ZNF83: variants seen among roughly 807,000 people sequenced by gnomAD.
ZNF83 encodes zinc finger protein 816B.
For synonymous variants in ZNF83, 209 were observed against 213.0 expected (o/e 0.98, Z 0.17); for missense variants, 552 against 629.9 (o/e 0.88, Z 1.32).
chr19:52,653,375 C>G (rs961304206), intron 3 of ZNF83: 8 of 1,081,594 alleles, frequency 7.4e-6, no homozygotes, highest in Non-Finnish European at 1.1e-5. Flanking sequence ...CGCTGGAAAA[C>G]CTTGCCACAT....
At chr19:52,689,918 G>A (rs186234811) in intron 1 of ZNF83, among the ~76,000 whole-genome samples, 1 of 152,354 alleles carries the variant, frequency 6.6e-6, no homozygotes, top group East Asian at 1.9e-4. Flanking sequence ...CTCAGGAGAA[G>A]CGGTGACTGC....
rs1309902334 is a variant in ZNF83, at chr19:52,614,006, T to TA, written c.558dup (p.Asn187Ter). 2 of 1,613,238 alleles carry TA rather than the reference T, an allele frequency of 1.2e-6. No individual in the cohort carries two copies. The highest frequency in any genetic ancestry group is 2.7e-5 in the African/African-American group (2 of 74,878). ...TGTTGTGCAAGGTGTGAAATTTGAT[T>TA]AAAGACCTTGCCACATTCATTACAT... On this transcript the variant is annotated frameshift_variant, in exon 3 of 3. Coordinates refer to ENST00000301096, the Ensembl canonical transcript of ZNF83. LOFTEE classifies it low-confidence loss of function (END_TRUNC).
intron 2 of ZNF83, among the ~76,000 whole-genome samples, chr19:52,623,268 T>C (rs1024783560): frequency 6.6e-6 from 1 of 152,172 alleles, no homozygotes; most frequent in Non-Finnish European, 1.5e-5. Context: ...TCAGGGATGC[T>C]GAGCTTTGGG....
intron 2 of ZNF83, chr19:52,618,715 C>G: frequency 1.1e-6 from 1 of 884,266 alleles, no homozygotes; most frequent in South Asian, 1.9e-5. Flanking sequence ...GGTTTTAAGC[C>G]TTCTTTACTT....
intron 1 of ZNF83, among the ~76,000 whole-genome samples, chr19:52,687,587 TATATATATA>T (rs1320900115): frequency 1.0e-3 from 46 of 45,346 alleles, no homozygotes; most frequent in African/African-American, 2.4e-3. Flanking sequence ...TTTATATATA[TATATATATA>T]ATGTATATAT....
At chr19:52,689,133 C>T (rs1039790190) in intron 1 of ZNF83, among the ~76,000 whole-genome samples, 1 of 152,170 alleles carries the variant, frequency 6.6e-6, no homozygotes, top group Non-Finnish European at 1.5e-5. Flanking sequence ...GATTACACAA[C>T]CTGTCACTGT....
At chr19:52,627,360 A>G (rs1278169761) in intron 2 of ZNF83, among the ~76,000 whole-genome samples, 1 of 95,796 alleles carries the variant, frequency 1.0e-5, no homozygotes, top group East Asian at 2.0e-4. Flanking sequence ...GGAGAGGCAT[A>G]AAAAAGAAAA....
At chr19:52,668,113 A>G (rs1207551902) in intron 1 of ZNF83, among the ~76,000 whole-genome samples, 1 of 152,176 alleles carries the variant, frequency 6.6e-6, no homozygotes, top group African/African-American at 2.4e-5. Flanking sequence ...TTAAAACAAG[A>G]GTCTCTCAGC....
intron 1 of ZNF83, among the ~76,000 whole-genome samples, chr19:52,677,217 G>GTAATTTATATAAAAA (rs1217188209): frequency 6.6e-6 from 1 of 150,586 alleles, no homozygotes; most frequent in Admixed American, 6.6e-5. Context: ...TCAGCCTGCA[G>GTAATTTATATAAAAA]TTCACACCAC....
At chr19:52,684,551 AAAAAG>A (rs963537346) in intron 1 of ZNF83, among the ~76,000 whole-genome samples, 1 of 142,540 alleles carries the variant, frequency 7.0e-6, no homozygotes, top group African/African-American at 2.8e-5. Context: ...CTCTGTCTAA[AAAAAG>A]AAAAAAAAAG....
chr19:52,642,497 A>C (rs1156311253), upstream of ZNF83, among the ~76,000 whole-genome samples: 1 of 151,758 alleles, frequency 6.6e-6, no homozygotes, highest in Non-Finnish European at 1.5e-5. Flanking sequence ...CGAACTCCCG[A>C]CCTCAGGTGA....
chr19:52,631,830 C>A (rs2060974838), intron 2 of ZNF83, among the ~76,000 whole-genome samples: 1 of 152,194 alleles, frequency 6.6e-6, no homozygotes. Flanking sequence ...CACTAGCCCG[C>A]CTCTTAGAAC....
rs558831478 is a variant in ZNF83, at chr19:52,675,678, G to A, written c.-283+14765C>T. Among the ~76,000 whole-genome samples, 7 of 152,266 alleles carry A rather than the reference G, an allele frequency of 4.6e-5. No individual in the cohort carries two copies. The South Asian group carries it at 1.4e-3, about 32-fold the overall frequency. On this transcript the variant is annotated intron_variant, in intron 1 of 5. Coordinates refer to the ZNF83 transcript ENST00000594682. ...AAACAGTATTTGCATCCAGATCAAT[G>A]TACCATGTGATGCAAGGCCAGGAAA...
intron 3 of ZNF83, chr19:52,653,206 G>C: frequency 6.5e-7 from 1 of 1,529,220 alleles, no homozygotes; most frequent in Non-Finnish European, 9.0e-7. Flanking sequence ...CTGACTGAAG[G>C]TCTTGCCACA....
At chr19:52,670,115 C>G (rs1442939218) in intron 1 of ZNF83, among the ~76,000 whole-genome samples, 2 of 151,976 alleles carry the variant, frequency 1.3e-5, no homozygotes, top group Non-Finnish European at 2.9e-5. Flanking sequence ...ATTCCAATCA[C>G]CTGCTCCACC....
chr19:52,614,381 T>G (rs778304085), exon 3 of ZNF83: 1 of 1,612,970 alleles, frequency 6.2e-7, no homozygotes, highest in South Asian at 1.1e-5. Flanking sequence ...GTTTTGACAG[T>G]AGAAGAAATA....
exon 3 of ZNF83, chr19:52,614,381 T>C (rs778304085): frequency 1.9e-6 from 3 of 1,612,970 alleles, no homozygotes; most frequent in East Asian, 2.2e-5. Context: ...GTTTTGACAG[T>C]AGAAGAAATA....
intron 1 of ZNF83, among the ~76,000 whole-genome samples, chr19:52,677,229 AAGCATG>A (rs1222821309): frequency 6.6e-6 from 1 of 151,670 alleles, no homozygotes; most frequent in African/African-American, 2.4e-5. Context: ...TCACACCACA[AAGCATG>A]AGTGAGACTG....
At chr19:52,675,293 C>T (rs1003438116) in intron 1 of ZNF83, among the ~76,000 whole-genome samples, 4 of 152,234 alleles carry the variant, frequency 2.6e-5, no homozygotes, top group African/African-American at 7.2e-5. Context: ...AGGGACAAGA[C>T]TTGATCCTAG....
Sources: gnomAD v4.1 joint callset for allele counts (sites outside exome capture counted in the v4.1 genomes callset) on GRCh38, gnomAD v4.1.1 for gene constraint, MANE v1.5 for transcripts, NCBI Gene and HGNC (gene_info 2026-07-23, HGNC 2026-07-21) for gene names.